Variants in ZBTB46 observed in about 807,000 individuals in gnomAD.
The protein encoded by ZBTB46 is zinc finger and BTB domain-containing protein 46.
In ZBTB46, 8 loss-of-function variants were observed where a neutral mutation model predicts 44.1. The observed-to-expected ratio is 0.18, with a 90% CI of 0.11 to 0.33. The LOEUF is 0.33. Ranked by LOEUF, ZBTB46 falls within the 10% of genes least tolerant of loss-of-function variation. ZBTB46 has a pLI of 1.00. For synonymous variants in ZBTB46, 409 were observed against 382.3 expected (o/e 1.07, Z -0.81); for missense variants, 651 against 847.7 (o/e 0.77, Z 2.88).
rs1175289861 is a variant in ZBTB46, at chr20:63,803,516, T to A, written c.-33-12726A>T. On this transcript the variant is annotated intron_variant, in intron 1 of 4. Coordinates refer to ENST00000245663, the MANE Select transcript of ZBTB46 (RefSeq NM_001369741.1). This position sits in a 1 kb window ranked among gnomAD's most constrained non-coding sequence, Gnocchi z 4.0. ...GGTTTTCCACATGGCAGCCCCCATG[T>A]GGCCATCTGAAGATGCAAAGCCATG... 3.0e-6 allele frequency: 3 copies of A among 985,216 alleles called. No individual in the cohort carries two copies. The highest frequency in any genetic ancestry group is 3.5e-5 in the African/African-American group (2 of 57,220). 61.0% of individuals were successfully genotyped at this position (985,216 alleles called of 1,614,324 possible).
rs763794889 is a variant in ZBTB46, at chr20:63,803,994, G to A, written c.-33-13204C>T. Among the ~76,000 whole-genome samples the A allele has an allele frequency of 1.5e-4, 23 of 152,158 alleles. No homozygotes were observed. The highest frequency in any genetic ancestry group is 4.3e-4 in the African/African-American group (18 of 41,432). On this transcript the variant is annotated intron_variant, in intron 1 of 4. Transcript: ENST00000245663. The surrounding 1 kb of genome is among the most constrained non-coding windows in gnomAD (Gnocchi z 4.0). ...GATGATAGGCGTGAGCCACTGCACC[G>A]ACATAACGTCACTTCCTTCTGTCGG...
At chr20:63,786,231 C>T (rs1192561379) in intron 2 of ZBTB46, among the ~76,000 whole-genome samples, 7 of 152,214 alleles carry the variant, frequency 4.6e-5, no homozygotes, top group Non-Finnish European at 1.0e-4. Context: ...TAAACAGTTA[C>T]AAGCAGATGG....
At chr20:63,825,758 T>G (rs2092816336) in intron 1 of ZBTB46, among the ~76,000 whole-genome samples, 1 of 152,224 alleles carries the variant, frequency 6.6e-6, no homozygotes, top group Non-Finnish European at 1.5e-5. Flanking sequence ...TTTTGTGGGA[T>G]TCTTTCAGGG....
chr20:63,773,198 CACAA>C (rs993718244), intron 3 of ZBTB46, among the ~76,000 whole-genome samples: 4 of 130,778 alleles, frequency 3.1e-5, no homozygotes, highest in African/African-American at 9.3e-5. Context: ...GTAGAAAAAG[CACAA>C]ACAAATTGTT....
At chr20:63,806,418 A>AAAG (rs1555853444) in intron 1 of ZBTB46, among the ~76,000 whole-genome samples, 2 of 145,538 alleles carry the variant, frequency 1.4e-5, no homozygotes, top group South Asian at 4.3e-4. Context: ...AAAAAAAAAA[A>AAAG]AAAAAGAAAG....
At chr20:63,785,670 G>A (rs141153393) in intron 2 of ZBTB46, among the ~76,000 whole-genome samples, 2 of 152,190 alleles carry the variant, frequency 1.3e-5, no homozygotes, top group Non-Finnish European at 2.9e-5. Context: ...TGACCTCCAT[G>A]GGATCATGAT....
chr20:63,768,228 G>A (rs1055714952), intron 3 of ZBTB46: 6 of 666,258 alleles, frequency 9.0e-6, no homozygotes, highest in African/African-American at 2.0e-5. Flanking sequence ...AATGAGAAAC[G>A]ACTCGTGTGG....
At chr20:63,782,687 G>A (rs1027115843) in intron 2 of ZBTB46, among the ~76,000 whole-genome samples, 7 of 152,068 alleles carry the variant, frequency 4.6e-5, no homozygotes, top group African/African-American at 9.7e-5. Context: ...CATGCCCCAC[G>A]ACCCACGCCC....
At chr20:63,792,521 CTT>C (rs559922962) in intron 1 of ZBTB46, among the ~76,000 whole-genome samples, 8 of 145,888 alleles carry the variant, frequency 5.5e-5, no homozygotes, top group Non-Finnish European at 4.6e-5. Context: ...ATATTTTCTT[CTT>C]TTTTTTTTTT....
At chr20:63,813,447 C>CA (rs35043743) in intron 1 of ZBTB46, among the ~76,000 whole-genome samples, 80 of 141,520 alleles carry the variant, frequency 5.7e-4, no homozygotes, top group South Asian at 4.4e-3. Flanking sequence ...GACTCCATCT[C>CA]AAAAAAAAAA....
At chr20:63,778,390 C>T (rs142381904) in intron 2 of ZBTB46, among the ~76,000 whole-genome samples, 1 of 152,188 alleles carries the variant, frequency 6.6e-6, no homozygotes. Context: ...CAGATATTTT[C>T]CCACAGCAAG....
chr20:63,793,292 T>G (rs151044252), intron 1 of ZBTB46, among the ~76,000 whole-genome samples: 156 of 152,214 alleles, frequency 1.0e-3, no homozygotes, highest in South Asian at 1.0e-3. Flanking sequence ...GAGGGGGTCA[T>G]GTGCTGAGGC....
intron 1 of ZBTB46, among the ~76,000 whole-genome samples, chr20:63,795,206 A>C (rs1433142987): frequency 6.6e-6 from 1 of 152,196 alleles, no homozygotes; most frequent in Non-Finnish European, 1.5e-5. Context: ...CCTTCCCTTC[A>C]AACAGAATCG....
At chr20:63,806,116 A>T (rs1454877906) in intron 1 of ZBTB46, among the ~76,000 whole-genome samples, 1 of 151,026 alleles carries the variant, frequency 6.6e-6, no homozygotes, top group Non-Finnish European at 1.5e-5. Context: ...AAAGCTAATC[A>T]GCTGGCTGGG....
At chr20:63,796,554 G>A (rs1042238234) in intron 1 of ZBTB46, among the ~76,000 whole-genome samples, 15 of 152,236 alleles carry the variant, frequency 9.9e-5, no homozygotes, top group African/African-American at 3.1e-4. Flanking sequence ...GGCCGAGTGC[G>A]GTGGCGCACG....
intron 3 of ZBTB46, among the ~76,000 whole-genome samples, chr20:63,755,329 G>A (rs559485693): frequency 3.9e-5 from 6 of 152,346 alleles, no homozygotes; most frequent in South Asian, 4.1e-4. Context: ...GCATCAGCAC[G>A]GGCTGGCTCT....
intron 1 of ZBTB46, among the ~76,000 whole-genome samples, chr20:63,806,970 G>C (rs532758920): frequency 3.7e-4 from 56 of 152,142 alleles, no homozygotes; most frequent in Non-Finnish European, 7.4e-4. Flanking sequence ...TTTTAGTAGA[G>C]ACGGGGTTTC....
At chr20:63,770,648 A>C (rs1465133689) in intron 3 of ZBTB46, among the ~76,000 whole-genome samples, 1 of 152,192 alleles carries the variant, frequency 6.6e-6, no homozygotes, top group Non-Finnish European at 1.5e-5. Flanking sequence ...CTCTAAATTC[A>C]GAAATCTGCG....
In ZBTB46 at chr20:63,790,354, G is replaced by C. The variant is rs753244971; in HGVS notation, c.404C>G (p.Ser135Trp). 2 of 1,613,066 alleles carry C rather than the reference G, an allele frequency of 1.2e-6. No homozygotes were observed. The highest frequency in any genetic ancestry group is 2.7e-5 in the African/African-American group (2 of 74,928). Residue 135 changes from serine to tryptophan, a missense_variant, in exon 2 of 5, where the codon TCG (serine) becomes TGG (tryptophan). By Grantham distance (177) the Ser-to-Trp change is radical. Transcript: ENST00000245663. ...IKAALDISIK[S>W]DASDELAEFE... Reference sequence around the variant, plus strand: ...CTCCGCAAGCTCATCTGAGGCGTCCGACTTGATGCTGATGTCCAGCGCCGC... The same window carrying C: ...CTCCGCAAGCTCATCTGAGGCGTCCCACTTGATGCTGATGTCCAGCGCCGC...
Sources: allele counts gnomAD v4.1 joint callset (sites outside exome capture counted in the v4.1 genomes callset), GRCh38; gene constraint gnomAD v4.1.1; non-coding constraint Gnocchi (gnomAD v3.1); transcripts MANE v1.5; gene names NCBI Gene and HGNC (gene_info 2026-07-23, HGNC 2026-07-21).